Variants in LMO7 observed in about 807,000 individuals in gnomAD.
LMO7 encodes the protein LIM domain 7.
In LMO7, 120 loss-of-function variants were observed where a neutral mutation model predicts 206.5. The observed-to-expected ratio is 0.58, with a 90% CI of 0.50 to 0.68. LMO7 has a LOEUF of 0.68. LMO7 is among the 30% of genes least tolerant of loss of function. LMO7 has a pLI of 0.00. For synonymous variants in LMO7, 706 were observed against 681.5 expected, an observed-to-expected ratio of 1.04 and a Z score of -0.56; for missense variants, 1,959 against 1,957.9, an observed-to-expected ratio of 1.00 and a Z score of -0.01.
chr13:75,733,638 CTGCGCCCACTGTCT>C (rs145673384), intron 3 of LMO7, among the ~76,000 whole-genome samples: 64,423 of 149,590 alleles, frequency 0.43, 14,017 homozygotes, highest in East Asian at 0.61. Context: ...ACCCACTGTC[CTGCGCCCACTGTCT>C]GGCACTCCCT....
At chr13:75,820,657 G>A (rs1349627923) in intron 13 of LMO7, among the ~76,000 whole-genome samples, 3 of 152,156 alleles carry the variant, frequency 2.0e-5, no homozygotes, top group African/African-American at 4.8e-5. Context: ...TTTAATTAAA[G>A]AAGTCAAGTT....
chr13:75,757,984 G>A (rs950919809), intron 3 of LMO7, among the ~76,000 whole-genome samples: 1 of 151,962 alleles, frequency 6.6e-6, no homozygotes, highest in Non-Finnish European at 1.5e-5. Flanking sequence ...GGGAGGGTTG[G>A]GCTCCTCTTC....
chr13:75,834,246 C>T lies in LMO7; in HGVS notation c.3085C>T (p.Gln1029Ter). 1.3e-6 allele frequency: 2 copies of T among 1,592,334 alleles called. No homozygotes were observed. Among genetic ancestry groups the T allele is most frequent in the Non-Finnish European group, 1.7e-6 (2 of 1,170,300 alleles). The change falls in exon 17 of 31, where the codon CAG becomes TAG. Residue 1029 changes from glutamine (Q) to a stop codon, truncating the protein, a stop_gained. Coordinates refer to ENST00000377534, the MANE Select transcript of LMO7 (RefSeq NM_001306080.2). LOFTEE classifies it high-confidence loss of function. ...TTTAGGTAGCCCAGCAGAATTTTCT[C>T]AGCTACAAGTAGATGATGAAATTAT... is the stretch of plus-strand genomic sequence containing the variant. ...VEAGSPAEFS[Q>*]LQVDDEIIAI...
intron 4 of LMO7, among the ~76,000 whole-genome samples, chr13:75,783,931 A>G (rs933259219): frequency 2.0e-5 from 3 of 151,004 alleles, no homozygotes; most frequent in Non-Finnish European, 4.4e-5. Context: ...CTAATTTTAG[A>G]CCCCTGGGAA....
intron 27 of LMO7, among the ~76,000 whole-genome samples, chr13:75,849,801 G>A (rs1380278972): frequency 2.3e-4 from 35 of 152,158 alleles, no homozygotes; most frequent in Admixed American, 2.3e-3. Flanking sequence ...GGAAATGAGT[G>A]CAGGAACATT....
chr13:75,662,866 A>G (rs2038734946), intron 1 of LMO7, among the ~76,000 whole-genome samples: 1 of 152,102 alleles, frequency 6.6e-6, no homozygotes. Flanking sequence ...GGATTACATA[A>G]CTCATGTTGG....
At chr13:75,796,580 T>C in intron 5 of LMO7, 56 bp from the exon 6 acceptor site, 7 of 980,810 alleles carry the variant, frequency 7.1e-6, no homozygotes, top group Non-Finnish European at 9.8e-6. Context: ...TATTTGAGCT[T>C]GCAATTGGTT....
At chr13:75,623,391 T>C in intron 2 of LMO7, 1 of 833,328 alleles carries the variant, frequency 1.2e-6, no homozygotes, top group Admixed American at 2.0e-5. Context: ...TGATACGGAG[T>C]CTTGCTCTGT....
At chr13:75,805,885 C>A (rs1044720913) in intron 9 of LMO7, 125 bp downstream of exon 9, 1 of 1,153,946 alleles carries the variant, frequency 8.7e-7, no homozygotes, top group Non-Finnish European at 1.2e-6. Context: ...CTAGTATCTG[C>A]GGAACCTATA....
At chr13:75,751,350 C>T (rs2047260356) in intron 3 of LMO7, among the ~76,000 whole-genome samples, 2 of 151,850 alleles carry the variant, frequency 1.3e-5, no homozygotes, top group Non-Finnish European at 1.5e-5. Context: ...TTAGTAGAGA[C>T]AGGGTTTCAC....
At chr13:75,766,476 A>C (rs1260788385) in intron 4 of LMO7, among the ~76,000 whole-genome samples, 1 of 151,664 alleles carries the variant, frequency 6.6e-6, no homozygotes, top group African/African-American at 2.4e-5. Context: ...TTATATAATG[A>C]GCATTGATTC....
Position 75,794,317 on chromosome 13 carries a change from T to C in LMO7, c.318-1084T>C, listed in dbSNP as rs76297169. 8.0e-3 allele frequency among the ~76,000 whole-genome samples: 1,225 copies of C among 152,300 alleles called. 22 individuals carry two copies. The highest frequency in any genetic ancestry group is 0.028 in the African/African-American group (1,146 of 41,556). On this transcript the variant is annotated intron_variant, in intron 4 of 30. Coordinates refer to ENST00000377534, the MANE Select transcript of LMO7 (RefSeq NM_001306080.2). ...CATGAATTTCATTGTTGAGATGTTT[T>C]TTTGGGAGGTGGGTAAGAGGTGCAT...
intron 4 of LMO7, among the ~76,000 whole-genome samples, chr13:75,768,014 C>A (rs7322414): frequency 0.39 from 59,214 of 151,888 alleles, 12,061 homozygotes; most frequent in East Asian, 0.57. Context: ...CAAATCATAT[C>A]ATTTGGGTGA....
intron 1 of LMO7, among the ~76,000 whole-genome samples, chr13:75,703,005 T>C (rs2137929829): frequency 6.6e-6 from 1 of 152,362 alleles, no homozygotes; most frequent in East Asian, 1.9e-4. Flanking sequence ...TAGAGTGATA[T>C]ACTTTCATGT....
At chr13:75,814,331 A>G (rs900746814) in intron 11 of LMO7, among the ~76,000 whole-genome samples, 4 of 152,200 alleles carry the variant, frequency 2.6e-5, no homozygotes, top group African/African-American at 9.6e-5. Context: ...TGCTGCTAAT[A>G]TGTTTTCCTC....
chr13:75,637,406 T>G (rs769416144), intron 1 of LMO7, among the ~76,000 whole-genome samples: 3 of 152,182 alleles, frequency 2.0e-5, no homozygotes, highest in Non-Finnish European at 4.4e-5. Flanking sequence ...TCCATTCCCT[T>G]CTTTCACCCT....
At chr13:75,852,557 G>C (rs998621671) in intron 27 of LMO7, among the ~76,000 whole-genome samples, 5 of 152,186 alleles carry the variant, frequency 3.3e-5, no homozygotes, top group South Asian at 2.1e-4. Context: ...TGCCACTGAT[G>C]ATGAAGATCA....
At chr13:75,852,357 T>A (rs2060566870) in intron 27 of LMO7, among the ~76,000 whole-genome samples, 1 of 151,848 alleles carries the variant, frequency 6.6e-6, no homozygotes, top group Non-Finnish European at 1.5e-5. Flanking sequence ...GTGTGGGAGG[T>A]TGAGGATCGA....
At chr13:75,710,066 C>T (rs573968787) in intron 1 of LMO7, among the ~76,000 whole-genome samples, 34 of 152,298 alleles carry the variant, frequency 2.2e-4, no homozygotes, top group African/African-American at 7.9e-4. Context: ...ATCCTTTCCT[C>T]ATTTCTTGTT....
Sources: allele counts gnomAD v4.1 joint callset (sites outside exome capture counted in the v4.1 genomes callset), GRCh38; gene constraint gnomAD v4.1.1; transcripts MANE v1.5; gene names NCBI Gene and HGNC (gene_info 2026-07-23, HGNC 2026-07-21).